Variants in NUMB observed in about 807,000 individuals in gnomAD.
The protein encoded by NUMB is protein numb homolog.
In NUMB, 29 loss-of-function variants were observed where a neutral mutation model predicts 59.7. That is an observed-to-expected ratio of 0.49 (90% CI 0.36 to 0.66). NUMB has a LOEUF of 0.66. Ranked by LOEUF, NUMB falls within the 30% of genes least tolerant of loss-of-function variation. The pLI is 0.00. For missense variants in NUMB, 723 were observed against 822.0 expected, an observed-to-expected ratio of 0.88 and a Z score of 1.47; for synonymous variants, 288 against 288.2, an observed-to-expected ratio of 1.00 and a Z score of 0.01.
At chr14:73,298,806 TCTC>T (rs553341187) in intron 6 of NUMB, 27 of 152,174 alleles carry the variant, frequency 1.8e-4, no homozygotes, top group African/African-American at 6.0e-4. Flanking sequence ...GGCCTCATCA[TCTC>T]CACCACCACC....
intron 1 of NUMB, among the ~76,000 whole-genome samples, chr14:73,430,713 G>A (rs763115191): frequency 6.6e-6 from 1 of 151,936 alleles, no homozygotes; most frequent in Non-Finnish European, 1.5e-5. Flanking sequence ...AGTCCGAGGC[G>A]GGCAGATCAC....
chr14:73,403,720 C>A lies in NUMB; in HGVS notation c.-101+6217G>T, dbSNP rs192736585. Among the ~76,000 whole-genome samples the A allele has an allele frequency of 4.1e-4, 62 of 152,216 alleles. No individual in the cohort carries two copies. In the East Asian group the frequency reaches 0.011, roughly 28 times the overall value. ...CCTGTAATCCCAGCACTTTGGGAAG[C>A]CGAGGCAGGCAAATCACTTGAGGCC... is the stretch of plus-strand genomic sequence containing the variant. On this transcript the variant is annotated intron_variant, in intron 2 of 12. Transcript: ENST00000555238.
At chr14:73,430,656 T>A (rs1406473018) in intron 1 of NUMB, among the ~76,000 whole-genome samples, 1 of 151,474 alleles carries the variant, frequency 6.6e-6, no homozygotes, top group Admixed American at 6.6e-5. Flanking sequence ...AAAAAAAGTT[T>A]TTGGGCCAGG....
intron 1 of NUMB, among the ~76,000 whole-genome samples, chr14:73,442,195 AAAAAAAG>A (rs1431066615): frequency 6.6e-6 from 1 of 151,232 alleles, no homozygotes; most frequent in African/African-American, 2.4e-5. Context: ...CTGTAAGAAA[AAAAAAAG>A]AAAAAAGAAA....
intron 6 of NUMB, among the ~76,000 whole-genome samples, chr14:73,303,456 T>A (rs916161457): frequency 2.0e-5 from 3 of 152,146 alleles, no homozygotes; most frequent in Non-Finnish European, 2.9e-5. Context: ...GACATGCGCC[T>A]GTAGTCCCAG....
At chr14:73,301,697 C>T (rs768222973) in intron 6 of NUMB, among the ~76,000 whole-genome samples, 39 of 152,180 alleles carry the variant, frequency 2.6e-4, no homozygotes, top group Non-Finnish European at 4.0e-4. Context: ...GCCTTGAACT[C>T]CTAGGCTCAA....
intron 1 of NUMB, among the ~76,000 whole-genome samples, chr14:73,455,921 C>T (rs546876971): frequency 1.3e-4 from 20 of 152,168 alleles, no homozygotes; most frequent in Non-Finnish European, 2.1e-4. Flanking sequence ...GAAACAAAAG[C>T]GGACAACATC....
chr14:73,438,644 A>C (rs1299173727), intron 1 of NUMB, among the ~76,000 whole-genome samples: 1 of 151,864 alleles, frequency 6.6e-6, no homozygotes, highest in African/African-American at 2.4e-5. Flanking sequence ...AAAAAAAAAA[A>C]AAAAAAAGTT....
chr14:73,420,443 C>T (rs1029261089), intron 1 of NUMB, among the ~76,000 whole-genome samples: 1 of 152,030 alleles, frequency 6.6e-6, no homozygotes, highest in African/African-American at 2.4e-5. Flanking sequence ...TATTGATTCA[C>T]ATTTTTTTTT....
At chr14:73,289,291 G>A (rs1296696737) in intron 8 of NUMB, among the ~76,000 whole-genome samples, 1 of 152,210 alleles carries the variant, frequency 6.6e-6, no homozygotes, top group South Asian at 2.1e-4. Context: ...TGGGAGGAGT[G>A]GAGGACGTAT....
Position 73,446,439 on chromosome 14 carries a change from C to A in NUMB, c.-233+12054G>T, listed in dbSNP as rs1009002956. On this transcript the variant is annotated intron_variant, in intron 1 of 12. Coordinates refer to ENST00000555238, the MANE Select transcript of NUMB (RefSeq NM_001005743.2). ...TGGCCAATATGGTGAAACCCCGTCTCTACTAAAAAATACAAAAATTAGCCA... is the reference window on the plus strand; with the variant it reads ...TGGCCAATATGGTGAAACCCCGTCTATACTAAAAAATACAAAAATTAGCCA... 5.3e-5 allele frequency among the ~76,000 whole-genome samples: 8 copies of A among 151,940 alleles called. No homozygotes were observed. The South Asian group carries it at 8.3e-4, about 16-fold the overall frequency.
intron 2 of NUMB, among the ~76,000 whole-genome samples, chr14:73,403,145 G>A (rs777956747): frequency 2.0e-5 from 3 of 152,198 alleles, no homozygotes; most frequent in Non-Finnish European, 4.4e-5. Flanking sequence ...CTTTTCCTTG[G>A]CATAGTCTTT....
At chr14:73,375,189 T>C (rs1289078077) in intron 2 of NUMB, among the ~76,000 whole-genome samples, 1 of 152,238 alleles carries the variant, frequency 6.6e-6, no homozygotes, top group Non-Finnish European at 1.5e-5. Flanking sequence ...TTAGTTGTCC[T>C]AAATCATATC....
At chr14:73,427,788 T>C (rs10146827) in intron 1 of NUMB, among the ~76,000 whole-genome samples, 49,526 of 152,054 alleles carry the variant, frequency 0.33, 9,373 homozygotes, top group African/African-American at 0.52. Context: ...TAAGATAAAC[T>C]CTTAAGCAGT....
In NUMB at chr14:73,284,392, A is replaced by C. The variant is rs760019139; in HGVS notation, c.656-18T>G. 5 of 1,600,064 alleles carry C rather than the reference A, an allele frequency of 3.1e-6. No individual in the cohort carries two copies. The highest frequency in any genetic ancestry group is 1.3e-5 in the African/African-American group (1 of 74,308). ...TGTTTCAGCTCAAGAAAATAAAGAG[A>C]ATGAAGACCTTAGCAATGTCTTCAA... On this transcript the variant is annotated intron_variant, in intron 9 of 12. Transcript: ENST00000555238.
intron 1 of NUMB, among the ~76,000 whole-genome samples, chr14:73,415,693 C>T (rs1897100021): frequency 6.6e-6 from 1 of 152,002 alleles, no homozygotes; most frequent in Non-Finnish European, 1.5e-5. Flanking sequence ...TCTCGAACTC[C>T]CTGCCTCAAG....
At chr14:73,441,523 A>G (rs569981519) in intron 1 of NUMB, among the ~76,000 whole-genome samples, 1 of 152,194 alleles carries the variant, frequency 6.6e-6, no homozygotes, top group African/African-American at 2.4e-5. Flanking sequence ...GCAACAGAGC[A>G]AGACTCCATC....
chr14:73,352,783 C>T (rs1273851789), intron 4 of NUMB, among the ~76,000 whole-genome samples: 2 of 147,994 alleles, frequency 1.4e-5, no homozygotes, highest in Admixed American at 6.8e-5. Flanking sequence ...ACCTCGTGAT[C>T]TGCCCGCCCT....
intron 2 of NUMB, among the ~76,000 whole-genome samples, chr14:73,391,665 T>C (rs1895860536): frequency 6.6e-6 from 1 of 152,156 alleles, no homozygotes; most frequent in African/African-American, 2.4e-5. Flanking sequence ...TCTAACACAG[T>C]AGGTCTGGGA....
Sources: gnomAD v4.1 joint callset for allele counts (sites outside exome capture counted in the v4.1 genomes callset) on GRCh38, gnomAD v4.1.1 for gene constraint, MANE v1.5 for transcripts, NCBI Gene and HGNC (gene_info 2026-07-23, HGNC 2026-07-21) for gene names.